The following AKR1C1 variants were observed in gnomAD, a reference collection of about 807,000 sequenced individuals.
AKR1C1 encodes aldo-keto reductase family 1 member C1, also known as 20 alpha-hydroxysteroid dehydrogenase.
In AKR1C1, 32 loss-of-function variants were observed where a neutral mutation model predicts 40.6. The observed-to-expected ratio is 0.79, with a 90% confidence interval of 0.60 to 1.06. The LOEUF (loss-of-function observed/expected upper bound fraction) is 1.06, where lower values mean the gene tolerates loss of function less well. Ranked by LOEUF, AKR1C1 falls within the 50% of genes least tolerant of loss-of-function variation. The pLI is 0.00. For missense variants in AKR1C1, 320 were observed against 363.5 expected (o/e 0.88, Z 0.97); for synonymous variants, 105 against 134.2 (o/e 0.78, Z 1.50).
In AKR1C1 at chr10:4,982,817, T is replaced by C. The variant is rs781952118; in HGVS notation, c.*5075T>C. On this transcript the variant is annotated 3_prime_UTR_variant, in exon 9 of 9. Coordinates refer to ENST00000380872, the MANE Select transcript of AKR1C1 (RefSeq NM_001353.6). Reference sequence around the variant, plus strand: ...ACACAGCACCTCAAGGAAGAATAAATAGAACTGTTCCCAGGAAGGAGAAAA... The same window carrying C: ...ACACAGCACCTCAAGGAAGAATAAACAGAACTGTTCCCAGGAAGGAGAAAA... The C allele has an allele frequency of 5.6e-6, 2 of 355,468 alleles. No individual in the cohort carries two copies. Among genetic ancestry groups the C allele is most frequent in the Admixed American group, 3.0e-5 (1 of 33,522 alleles). The allele number at this position is 355,468 out of a possible 1,614,324, so 22.0% of individuals were successfully genotyped here. A position where few individuals can be genotyped will look rare whatever the true frequency, so the allele number is the denominator to read the frequency against.
chr10:4,967,103 T>C lies in AKR1C1; in HGVS notation c.369+60T>C, dbSNP rs199866011. 9,036 of 1,530,172 alleles carry C rather than the reference T, an allele frequency of 5.9e-3. 48 individuals are homozygous for C. The highest frequency in any genetic ancestry group is 7.1e-3 in the Non-Finnish European group (7,848 of 1,106,128). The allele number at this position is 1,530,172 out of a possible 1,614,324, so 94.8% of individuals were successfully genotyped here. ...TTGTTCTCAGCATAAATATTGTTTT[T>C]ATGGATATTTGAACTAAGCATTTTC... On this transcript the variant is annotated intron_variant, in intron 3 of 8. Coordinates refer to ENST00000380872, the MANE Select transcript of AKR1C1 (RefSeq NM_001353.6).
At chr10:4,964,119 G>T (rs139680993) in intron 1 of AKR1C1, among the ~76,000 whole-genome samples, 2,234 of 151,964 alleles carry the variant, frequency 0.015, 17 homozygotes, top group South Asian at 0.038. Flanking sequence ...TTGTTAATAT[G>T]GGTCAAATTT....
intron 7 of AKR1C1, among the ~76,000 whole-genome samples, chr10:4,972,962 T>A (rs1268238564): frequency 2.0e-5 from 3 of 152,278 alleles, no homozygotes; most frequent in Non-Finnish European, 4.4e-5. Flanking sequence ...AACTACAGAT[T>A]TGGGTTAGCG....
chr10:4,973,309 G>A (rs1554770110), intron 7 of AKR1C1, among the ~76,000 whole-genome samples: 2 of 151,948 alleles, frequency 1.3e-5, no homozygotes, highest in Non-Finnish European at 2.9e-5. Flanking sequence ...AGGTTCCATG[G>A]TTAGAAAATT....
In AKR1C1 at chr10:4,980,859, G is replaced by A. The variant is rs1836604037; in HGVS notation, c.*3117G>A. The A allele has an allele frequency of 6.6e-6, 1 of 152,310 alleles. No individual in the cohort carries two copies. The highest frequency in any genetic ancestry group is 2.4e-5 in the African/African-American group (1 of 41,566). 9.4% of individuals were successfully genotyped at this position (152,310 alleles called of 1,614,324 possible). A position where few individuals can be genotyped will look rare whatever the true frequency, so the allele number is the denominator to read the frequency against. On this transcript the variant is annotated 3_prime_UTR_variant, in exon 9 of 9. Coordinates refer to ENST00000380872, the MANE Select transcript of AKR1C1 (RefSeq NM_001353.6). ...AATGTTTTTAATGGCATCTAGAATA[G>A]TAAATCTTTTTCAGAAGATTTTCAA... is the stretch of plus-strand genomic sequence containing the variant.
At chr10:4,976,486 C>T (rs1248240323) in intron 8 of AKR1C1, among the ~76,000 whole-genome samples, 22 of 152,282 alleles carry the variant, frequency 1.4e-4, no homozygotes, top group African/African-American at 4.6e-4. Context: ...ATGAGCCAAA[C>T]ACTGCATTTG....
chr10:4,976,482 C>T (rs1474268073), intron 8 of AKR1C1, among the ~76,000 whole-genome samples: 1 of 152,126 alleles, frequency 6.6e-6, no homozygotes, highest in East Asian at 1.9e-4. Flanking sequence ...GCCCATGAGC[C>T]AAACACTGCA....
chr10:4,966,450 A>T (rs1303109586), intron 2 of AKR1C1, among the ~76,000 whole-genome samples: 1 of 152,224 alleles, frequency 6.6e-6, no homozygotes, highest in East Asian at 1.9e-4. Context: ...TCATAGAGAG[A>T]GAAAGCAATA....
intron 1 of AKR1C1, among the ~76,000 whole-genome samples, chr10:4,964,942 A>G (rs73600874): frequency 0.016 from 2,503 of 152,316 alleles, 83 homozygotes; most frequent in African/African-American, 0.057. Context: ...TTCCTAACTG[A>G]TAAGAATGGT....
chr10:4,965,697 A>G, intron 1 of AKR1C1: 3 of 495,814 alleles, frequency 6.1e-6, no homozygotes, highest in Non-Finnish European at 1.0e-5. Context: ...CTAGTGGTCA[A>G]GCAGTGATTT....
intron 7 of AKR1C1, among the ~76,000 whole-genome samples, chr10:4,975,188 C>G (rs562676138): frequency 6.6e-6 from 1 of 152,082 alleles, no homozygotes; most frequent in African/African-American, 2.4e-5. Context: ...TGCAACAAAT[C>G]TTCTTACCTA....
In AKR1C1 at chr10:4,966,982, T is replaced by C; in HGVS notation, c.308T>C (p.Leu103Pro). The C allele has an allele frequency of 4.3e-6, 7 of 1,613,952 alleles. No individual in the cohort carries two copies. The highest frequency in any genetic ancestry group is 5.9e-6 in the Non-Finnish European group (7 of 1,179,834). Residue 103 changes from leucine to proline, a missense_variant, in exon 3 of 9, where the codon CTG (leucine) becomes CCG (proline). Physicochemically the swap from Leu to Pro is moderately conservative, Grantham distance 98. Transcript: ENST00000380872. The part of the protein sequence containing the change: ...ELVRPALERS[L>P]KNLQLDYVDL... Reference sequence around the variant, plus strand: ...GTCCGACCAGCCTTGGAAAGGTCACTGAAAAATCTTCAATTGGATTATGTT... The same window carrying C: ...GTCCGACCAGCCTTGGAAAGGTCACCGAAAAATCTTCAATTGGATTATGTT...
At chr10:4,966,379 C>A (rs112068046) in intron 2 of AKR1C1, among the ~76,000 whole-genome samples, 2,239 of 152,206 alleles carry the variant, frequency 0.015, 17 homozygotes, top group South Asian at 0.038. Flanking sequence ...TATATTATTT[C>A]TTACCTCCTG....
intron 7 of AKR1C1, among the ~76,000 whole-genome samples, chr10:4,972,986 A>T (rs1836463531): frequency 6.6e-6 from 1 of 152,306 alleles, no homozygotes; most frequent in Non-Finnish European, 1.5e-5. Context: ...AGTCAGTGAT[A>T]TCCATATCCC....
At chr10:4,969,901 G>C in intron 5 of AKR1C1, 3 of 593,620 alleles carry the variant, frequency 5.1e-6, no homozygotes, top group Non-Finnish European at 8.7e-6. Context: ...TTGGTATAAT[G>C]ATACGGTGCT....
At chr10:4,968,708 C>T (rs1399195965) in intron 4 of AKR1C1, 114 bp from the exon 5 acceptor site, 28 of 1,520,146 alleles carry the variant, frequency 1.8e-5, no homozygotes, top group Middle Eastern at 1.7e-4. Context: ...TATTTTTTCC[C>T]TTTTAAGAAC....
Position 4,982,865 on chromosome 10 carries a change from A to C in AKR1C1, c.*5123A>C. The C allele has an allele frequency of 2.4e-6, 1 of 415,830 alleles. No homozygotes were observed. Among genetic ancestry groups the C allele is most frequent in the South Asian group, 1.8e-5 (1 of 56,698 alleles). 25.8% of individuals were successfully genotyped at this position (415,830 alleles called of 1,614,324 possible). A position where few individuals can be genotyped will look rare whatever the true frequency, so the allele number is the denominator to read the frequency against. ...AAATGCCTGCATGAGCTCAGCTGTTACCACTGCGTACCACACCCTGACCAG... is the reference window on the plus strand; with the variant it reads ...AAATGCCTGCATGAGCTCAGCTGTTCCCACTGCGTACCACACCCTGACCAG... On this transcript the variant is annotated 3_prime_UTR_variant, in exon 9 of 9. Coordinates refer to ENST00000380872, the MANE Select transcript of AKR1C1 (RefSeq NM_001353.6).
intron 5 of AKR1C1, among the ~76,000 whole-genome samples, chr10:4,971,049 TG>T (rs1836418850): frequency 6.6e-6 from 1 of 152,076 alleles, no homozygotes; most frequent in Non-Finnish European, 1.5e-5. Flanking sequence ...AGTAATCTGC[TG>T]GGGGATAATT....
At chr10:4,970,353 G>C (rs1345080889) in intron 5 of AKR1C1, among the ~76,000 whole-genome samples, 2 of 151,954 alleles carry the variant, frequency 1.3e-5, no homozygotes, top group South Asian at 2.1e-4. Context: ...TTATATTGTT[G>C]TATTTTGATA....
Sources: allele counts gnomAD v4.1 joint callset (sites outside exome capture counted in the v4.1 genomes callset), GRCh38; gene constraint gnomAD v4.1.1; transcripts MANE v1.5; gene names NCBI Gene and HGNC (gene_info 2026-07-23, HGNC 2026-07-21).